Variants in CDH8 observed in about 807,000 individuals in gnomAD.
CDH8 encodes the protein cadherin 8, also known as cadherin-8.
In CDH8, 17 loss-of-function variants were observed where a neutral mutation model predicts 68.1. That is an observed-to-expected ratio of 0.25 (90% CI 0.17 to 0.37). CDH8 has a LOEUF of 0.37. Ranked by LOEUF, CDH8 falls within the 10% of genes least tolerant of loss-of-function variation. The pLI is 1.00. For missense variants in CDH8, 763 were observed against 999.3 expected (o/e 0.76, Z 3.19); for synonymous variants, 372 against 365.1 (o/e 1.02, Z -0.21).
chr16:62,009,236 G>T (rs1468399755), intron 2 of CDH8, among the ~76,000 whole-genome samples: 3 of 152,128 alleles, frequency 2.0e-5, no homozygotes, highest in Non-Finnish European at 2.9e-5. Context: ...AGTGGCCAAG[G>T]TGCACCAGTA....
intron 10 of CDH8, among the ~76,000 whole-genome samples, chr16:61,686,719 A>C (rs775536073): frequency 3.3e-5 from 5 of 151,940 alleles, no homozygotes; most frequent in Non-Finnish European, 5.9e-5. Flanking sequence ...AGATATTTTT[A>C]ATTGGAAGTC....
chr16:61,661,073 C>T (rs574916934), intron 10 of CDH8, among the ~76,000 whole-genome samples: 4 of 151,892 alleles, frequency 2.6e-5, no homozygotes, highest in Non-Finnish European at 1.5e-5. Flanking sequence ...AACTGTTTTA[C>T]AAAGCAATTG....
chr16:61,738,424 TCTC>T lies in CDH8; in HGVS notation c.1415-11212_1415-11210del, dbSNP rs149001352. Among the ~76,000 whole-genome samples, 1,176 of 152,208 alleles carry T rather than the reference TCTC, an allele frequency of 7.7e-3. 11 individuals carry two copies. Among genetic ancestry groups the T allele is most frequent in the African/African-American group, 0.026 (1,100 of 41,526 alleles). On this transcript the variant is annotated intron_variant, in intron 8 of 11. Transcript: ENST00000577390. Reference sequence around the variant, plus strand: ...TCTACAATGAACCCTCAGAATCCTTTCTCCTCCTCACAAGAATTGACATCTTGA... The same window carrying T: ...TCTACAATGAACCCTCAGAATCCTTTCTCCTCACAAGAATTGACATCTTGA...
chr16:61,709,603 G>A (rs1046678294), intron 10 of CDH8, among the ~76,000 whole-genome samples: 2 of 152,062 alleles, frequency 1.3e-5, no homozygotes, highest in African/African-American at 4.8e-5. Context: ...TGTTTGCAGG[G>A]AGAGATGGAA....
At chr16:61,873,966 G>A (rs1963416227) in intron 3 of CDH8, among the ~76,000 whole-genome samples, 1 of 152,142 alleles carries the variant, frequency 6.6e-6, no homozygotes, top group African/African-American at 2.4e-5. Flanking sequence ...TGAGGCAGAA[G>A]TATTGCTTGA....
At chr16:61,978,531 T>C (rs982069709) in intron 2 of CDH8, among the ~76,000 whole-genome samples, 1 of 152,138 alleles carries the variant, frequency 6.6e-6, no homozygotes, top group Non-Finnish European at 1.5e-5. Flanking sequence ...TCACATCCTA[T>C]CAAATTCTTT....
chr16:61,932,846 T>A (rs1296182594), intron 2 of CDH8, among the ~76,000 whole-genome samples: 2 of 152,196 alleles, frequency 1.3e-5, no homozygotes, highest in African/African-American at 4.8e-5. Context: ...ATGCACCTCC[T>A]GGGAATCTTG....
intron 1 of CDH8, among the ~76,000 whole-genome samples, chr16:62,027,843 C>CCAGATTCCCTT (rs1273175454): frequency 1.3e-5 from 2 of 152,078 alleles, no homozygotes; most frequent in Non-Finnish European, 2.9e-5. Context: ...AATTCTCTAA[C>CCAGATTCCCTT]CAGATTCCCT....
intron 7 of CDH8, among the ~76,000 whole-genome samples, chr16:61,808,108 AC>A (rs1447228240): frequency 6.6e-6 from 1 of 152,176 alleles, no homozygotes; most frequent in Non-Finnish European, 1.5e-5. Context: ...TTTGCTGAAA[AC>A]CTAGTGTCAT....
At chr16:61,956,677 A>G (rs920067257) in intron 2 of CDH8, among the ~76,000 whole-genome samples, 1 of 152,192 alleles carries the variant, frequency 6.6e-6, no homozygotes, top group Non-Finnish European at 1.5e-5. Flanking sequence ...TTTACTTCTC[A>G]AGTATAAAAC....
At chr16:61,998,698 G>A (rs566158157) in intron 2 of CDH8, among the ~76,000 whole-genome samples, 45 of 152,260 alleles carry the variant, frequency 3.0e-4, no homozygotes, top group Admixed American at 1.6e-3. Flanking sequence ...AAGGACCTCT[G>A]GGATGGGTAG....
chr16:61,756,519 A>G (rs1428977922), intron 8 of CDH8, among the ~76,000 whole-genome samples: 2 of 152,248 alleles, frequency 1.3e-5, no homozygotes, highest in South Asian at 2.1e-4. Context: ...GTAATTTACA[A>G]TTATTCTGAA....
chr16:61,651,564 G>A lies in CDH8; in HGVS notation c.*2044C>T, dbSNP rs913384975. 2.0e-5 allele frequency: 3 copies of A among 152,158 alleles called. No individual in the cohort carries two copies. Among genetic ancestry groups the A allele is most frequent in the African/African-American group, 7.2e-5 (3 of 41,426 alleles). 9.4% of individuals were successfully genotyped at this position (152,158 alleles called of 1,614,324 possible). A position where few individuals can be genotyped will look rare whatever the true frequency, so the allele number is the denominator to read the frequency against. ...GCAGCCCCGCACCAATGACTGAGAT[G>A]ACAGAGGACCACAGCCTGACTGCTT... On this transcript the variant is annotated 3_prime_UTR_variant, in exon 12 of 12. Transcript: ENST00000577390.
chr16:61,823,361 A>G (rs1339636754), intron 5 of CDH8, among the ~76,000 whole-genome samples: 2 of 151,720 alleles, frequency 1.3e-5, no homozygotes, highest in Non-Finnish European at 2.9e-5. Context: ...TGTTTTCTAT[A>G]CCAACAAATA....
Position 62,021,206 on chromosome 16 carries a change from A to G in CDH8, c.198T>C (p.Asn66=), listed in dbSNP as rs1265602405. The stretch of plus-strand genomic sequence containing the variant: ...AAAACTCTTCCAGGACAAACATTTG[A>G]TTCCAAACCCAGCCTCTTTTGGAGC... ...LNRSKRGWVW[N]QMFVLEEFSG... is the part of the protein sequence containing the mutation. The change falls in exon 2 of 12, where the codon AAT becomes AAC. Residue 66 remains asparagine (N), a synonymous_variant. Transcript: ENST00000577390. 3.1e-6 allele frequency: 5 copies of G among 1,613,942 alleles called. No individual in the cohort carries two copies. Among genetic ancestry groups the G allele is most frequent in the African/African-American group, 2.7e-5 (2 of 74,924 alleles).
At chr16:61,789,251 T>C (rs1266640364) in intron 8 of CDH8, 95 bp downstream of exon 8, 11 of 1,107,622 alleles carry the variant, frequency 9.9e-6, no homozygotes, top group Non-Finnish European at 1.3e-5. Flanking sequence ...AATGTCAAGG[T>C]ACCTAACAGA....
At chr16:61,895,308 G>A (rs1963851971) in intron 3 of CDH8, among the ~76,000 whole-genome samples, 1 of 152,068 alleles carries the variant, frequency 6.6e-6, no homozygotes, top group Non-Finnish European at 1.5e-5. Context: ...TAAGCCCATG[G>A]GAGGTAGAAC....
chr16:61,674,206 C>T (rs1036153685), intron 10 of CDH8, among the ~76,000 whole-genome samples: 4 of 151,908 alleles, frequency 2.6e-5, no homozygotes, highest in East Asian at 1.9e-4. Flanking sequence ...TAAAAATAAG[C>T]CTCTTTGGGA....
At chr16:61,977,524 G>T (rs1341902000) in intron 2 of CDH8, among the ~76,000 whole-genome samples, 1 of 152,120 alleles carries the variant, frequency 6.6e-6, no homozygotes, top group East Asian at 1.9e-4. Context: ...TGAGTCTGAG[G>T]TTAAGGGCAA....
Sources: gnomAD v4.1 joint callset for allele counts (sites outside exome capture counted in the v4.1 genomes callset) on GRCh38, gnomAD v4.1.1 for gene constraint, MANE v1.5 for transcripts, NCBI Gene and HGNC (gene_info 2026-07-23, HGNC 2026-07-21) for gene names.